NAPB: variants seen among roughly 807,000 people sequenced by gnomAD.
NAPB encodes beta-soluble NSF attachment protein.
Under a neutral mutation model 44.7 loss-of-function variants are expected in NAPB, and 26 were observed. The ratio of observed to expected loss-of-function variants is 0.58; its 90% CI spans 0.43 to 0.81. NAPB has a LOEUF of 0.81. NAPB is among the 30% of genes least tolerant of loss of function. The pLI is 0.00. For synonymous variants in NAPB, 120 were observed against 116.8 expected, an observed-to-expected ratio of 1.03 and a Z score of -0.18; for missense variants, 315 against 356.4, an observed-to-expected ratio of 0.88 and a Z score of 0.94.
intron 5 of NAPB, among the ~76,000 whole-genome samples, chr20:23,394,352 TAGAG>T (rs1487925954): frequency 6.6e-6 from 1 of 152,068 alleles, no homozygotes; most frequent in Non-Finnish European, 1.5e-5. Flanking sequence ...TCACAGGTTG[TAGAG>T]AAAGAGAAAA....
chr20:23,409,561 T>C (rs181305670), intron 1 of NAPB, among the ~76,000 whole-genome samples: 24 of 152,318 alleles, frequency 1.6e-4, no homozygotes, highest in African/African-American at 5.3e-4. Context: ...AATTCAGAAA[T>C]GACTGTTACA....
intron 7 of NAPB, among the ~76,000 whole-genome samples, chr20:23,388,846 C>T (rs111667871): frequency 0.062 from 9,439 of 151,896 alleles, 335 homozygotes; most frequent in Middle Eastern, 0.13. Flanking sequence ...TCAGATTTAG[C>T]GATGATTTCT....
At chr20:23,414,371 A>C (rs1985862669) in intron 1 of NAPB, among the ~76,000 whole-genome samples, 1 of 152,190 alleles carries the variant, frequency 6.6e-6, no homozygotes, top group African/African-American at 2.4e-5. Flanking sequence ...ACATTTAAAA[A>C]TATATTATAA....
intron 7 of NAPB, among the ~76,000 whole-genome samples, chr20:23,388,266 CACAA>C (rs1375582887): frequency 6.6e-6 from 1 of 151,906 alleles, no homozygotes; most frequent in Non-Finnish European, 1.5e-5. Flanking sequence ...CTCACACACA[CACAA>C]ACACACACAC....
chr20:23,374,801 T>TGTGTG lies in NAPB; in HGVS notation c.*2574_*2575insCACAC, dbSNP rs1982365806. On this transcript the variant is annotated 3_prime_UTR_variant, in exon 11 of 11. Transcript: ENST00000377026. ...GTTACAGTGACGCCACCACACACGG[T>TGTGTG]CACGACTGTGCAAAAATACTGCTTT... 7.0e-6 allele frequency: 1 copy of TGTGTG among 143,858 alleles called. No individual in the cohort carries two copies. The highest frequency in any genetic ancestry group is 1.5e-5 in the Non-Finnish European group (1 of 64,576). 8.9% of individuals were successfully genotyped at this position (143,858 alleles called of 1,614,324 possible).
rs1986433074 is a variant in NAPB, at chr20:23,421,440, T to C, written c.-38A>G. 2 of 1,527,704 alleles carry C rather than the reference T, an allele frequency of 1.3e-6. No individual in the cohort carries two copies. The highest frequency in any genetic ancestry group is 1.2e-5 in the South Asian group (1 of 83,010). The allele number at this position is 1,527,704 out of a possible 1,614,324, so 94.6% of individuals were successfully genotyped here. On this transcript the variant is annotated 5_prime_UTR_variant, in exon 1 of 11. Transcript: ENST00000377026. ...GGCCGCCACAGCCCCCTCAGCCGGC[T>C]CGCTGTGCGCCCAGGCGCCTTAACC...
At chr20:23,400,765 A>T (rs1443345831) in intron 2 of NAPB, among the ~76,000 whole-genome samples, 1 of 152,152 alleles carries the variant, frequency 6.6e-6, no homozygotes, top group Non-Finnish European at 1.5e-5. Context: ...AACTTCAAGG[A>T]GTCTAATATT....
intron 2 of NAPB, among the ~76,000 whole-genome samples, chr20:23,400,044 T>A (rs1370184526): frequency 6.6e-6 from 1 of 152,204 alleles, no homozygotes; most frequent in African/African-American, 2.4e-5. Flanking sequence ...GCCATCCTTT[T>A]CTTGCTCAGT....
chr20:23,375,102 C>G lies in NAPB; in HGVS notation c.*2274G>C, dbSNP rs556473368. On this transcript the variant is annotated 3_prime_UTR_variant, in exon 11 of 11. Coordinates refer to ENST00000377026, the MANE Select transcript of NAPB (RefSeq NM_022080.3). ...TTTGCACACCACTAACTGGGCTTTT[C>G]TCTCATTCTTTTTTTTAATCTTCTG... 5.6e-4 allele frequency: 85 copies of G among 152,294 alleles called. No individual in the cohort carries two copies. The highest frequency in any genetic ancestry group is 2.0e-3 in the African/African-American group (83 of 41,568). The allele number at this position is 152,294 out of a possible 1,614,324, so 9.4% of individuals were successfully genotyped here.
intron 1 of NAPB, among the ~76,000 whole-genome samples, chr20:23,412,266 C>G (rs1985708394): frequency 6.6e-6 from 1 of 151,884 alleles, no homozygotes; most frequent in South Asian, 2.1e-4. Flanking sequence ...CATACTTCAT[C>G]AGTCAAAGTC....
At chr20:23,399,592 G>A (rs569010926) in intron 2 of NAPB, among the ~76,000 whole-genome samples, 3 of 152,334 alleles carry the variant, frequency 2.0e-5, no homozygotes, top group Admixed American at 6.5e-5. Flanking sequence ...TGAACAATCA[G>A]AGTACATGCC....
intron 1 of NAPB, among the ~76,000 whole-genome samples, chr20:23,414,392 T>G (rs1009892093): frequency 1.3e-5 from 2 of 152,066 alleles, no homozygotes; most frequent in African/African-American, 4.8e-5. Context: ...TCCTGAGAGG[T>G]TTACTCCAGG....
At chr20:23,406,233 T>C (rs1354806111) in intron 1 of NAPB, among the ~76,000 whole-genome samples, 1 of 152,140 alleles carries the variant, frequency 6.6e-6, no homozygotes, top group Non-Finnish European at 1.5e-5. Context: ...GCTAAGGTTA[T>C]TGTGTTACAG....
intron 1 of NAPB, among the ~76,000 whole-genome samples, chr20:23,410,392 T>C (rs1985570702): frequency 6.6e-6 from 1 of 152,146 alleles, no homozygotes; most frequent in African/African-American, 2.4e-5. Context: ...ACAGCATCCA[T>C]ATGAAGCTAC....
At chr20:23,412,341 C>T (rs906176101) in intron 1 of NAPB, among the ~76,000 whole-genome samples, 3 of 152,136 alleles carry the variant, frequency 2.0e-5, no homozygotes, top group Non-Finnish European at 4.4e-5. Context: ...GATCCTCTTA[C>T]ATAATACAGT....
chr20:23,396,070 G>T (rs1984340647), intron 3 of NAPB, among the ~76,000 whole-genome samples: 1 of 152,182 alleles, frequency 6.6e-6, no homozygotes, highest in Admixed American at 6.5e-5. Context: ...TCCGTTGTTA[G>T]TACTCAGATG....
At chr20:23,401,135 G>C (rs1473100387) in intron 2 of NAPB, among the ~76,000 whole-genome samples, 4 of 152,244 alleles carry the variant, frequency 2.6e-5, no homozygotes, top group Non-Finnish European at 5.9e-5. Context: ...TAGGGAGACA[G>C]AGGGAACAGT....
At chr20:23,417,478 A>G (rs556005559) in intron 1 of NAPB, among the ~76,000 whole-genome samples, 1 of 152,182 alleles carries the variant, frequency 6.6e-6, no homozygotes. Context: ...ATAGTATTAT[A>G]AGAGGCTTTT....
At chr20:23,420,689 G>C (rs910125490) in intron 1 of NAPB, among the ~76,000 whole-genome samples, 1 of 152,144 alleles carries the variant, frequency 6.6e-6, no homozygotes, top group Admixed American at 6.5e-5. Flanking sequence ...CGCGCCCCGA[G>C]CTACCGCGCC....
Sources: allele counts gnomAD v4.1 joint callset (sites outside exome capture counted in the v4.1 genomes callset), GRCh38; gene constraint gnomAD v4.1.1; transcripts MANE v1.5; gene names NCBI Gene and HGNC (gene_info 2026-07-23, HGNC 2026-07-21).